The following ERBB4 variants were observed in gnomAD, a reference collection of about 807,000 sequenced individuals.
ERBB4 encodes the protein receptor tyrosine-protein kinase erbB-4.
ERBB4 carries 42 observed loss-of-function variants against 158.0 expected under a neutral mutation model. That is an observed-to-expected ratio of 0.27 (90% confidence interval 0.21 to 0.34). ERBB4 has a LOEUF of 0.34. ERBB4 is among the 10% of genes least tolerant of loss of function. The pLI is 1.00. For missense variants in ERBB4, 1,333 were observed against 1,624.1 expected (o/e 0.82, Z 3.08); for synonymous variants, 583 against 558.7 (o/e 1.04, Z -0.61).
chr2:212,216,058 C>A (rs558755415), intron 1 of ERBB4, among the ~76,000 whole-genome samples: 1 of 151,238 alleles, frequency 6.6e-6, no homozygotes, highest in African/African-American at 2.4e-5. Context: ...AAAAGATTTG[C>A]GCCGGTGTTA....
At chr2:212,413,014 C>T (rs2091543749) in intron 1 of ERBB4, among the ~76,000 whole-genome samples, 1 of 151,818 alleles carries the variant, frequency 6.6e-6, no homozygotes, top group African/African-American at 2.4e-5. Context: ...GTCACCCAGA[C>T]TGGAGTGCAG....
intron 19 of ERBB4, among the ~76,000 whole-genome samples, chr2:211,605,012 G>A (rs775115747): frequency 1.3e-5 from 2 of 152,152 alleles, no homozygotes; most frequent in Non-Finnish European, 2.9e-5. Flanking sequence ...CACTAATTAT[G>A]TAAGTCTTTC....
chr2:212,056,701 T>C (rs558215402), intron 2 of ERBB4, among the ~76,000 whole-genome samples: 1 of 152,210 alleles, frequency 6.6e-6, no homozygotes, highest in South Asian at 2.1e-4. Context: ...GAAGGAGAAA[T>C]AAAGACCTTT....
chr2:211,438,058 C>CTGGT (rs937316271), intron 20 of ERBB4, among the ~76,000 whole-genome samples: 6 of 152,152 alleles, frequency 3.9e-5, no homozygotes, highest in Non-Finnish European at 7.4e-5. Context: ...CCAGCAGAAG[C>CTGGT]TGGTTCATGG....
chr2:211,801,818 T>C (rs949594827), intron 3 of ERBB4, among the ~76,000 whole-genome samples: 1 of 152,184 alleles, frequency 6.6e-6, no homozygotes, highest in Non-Finnish European at 1.5e-5. Context: ...TACGCCTAAT[T>C]TATTTTTGTA....
rs1227632150 is a variant in ERBB4 at position 211,892,774 on chromosome 2, A to T, written c.421+54656T>A. 5.5e-5 allele frequency among the ~76,000 whole-genome samples: 8 copies of T among 144,346 alleles called. No individual in the cohort carries two copies. In the East Asian group the frequency reaches 1.6e-3, roughly 28 times the overall value. 94.7% of individuals were successfully genotyped at this position (144,346 alleles called of 152,430 possible). ...ATTCTTATACACCAACAACAGACAA[A>T]CAGAGAGCCAAATCATGAGTGAACT... On this transcript the variant is annotated intron_variant, in intron 3 of 27. Coordinates refer to ENST00000342788, the MANE Select transcript of ERBB4 (RefSeq NM_005235.3).
intron 4 of ERBB4, among the ~76,000 whole-genome samples, chr2:211,786,289 C>G (rs906760127): frequency 6.6e-6 from 1 of 152,002 alleles, no homozygotes; most frequent in Non-Finnish European, 1.5e-5. Flanking sequence ...AATAAATTGA[C>G]TAAAGATAAA....
At chr2:211,807,225 T>C (rs891611326) in intron 3 of ERBB4, among the ~76,000 whole-genome samples, 1 of 152,092 alleles carries the variant, frequency 6.6e-6, no homozygotes, top group African/African-American at 2.4e-5. Flanking sequence ...ACATGTACCA[T>C]GTTGGTTTGC....
intron 19 of ERBB4, among the ~76,000 whole-genome samples, chr2:211,618,831 A>C (rs2069488635): frequency 1.3e-5 from 2 of 152,148 alleles, no homozygotes; most frequent in African/African-American, 4.8e-5. Context: ...CGTTGAAATT[A>C]TGTATTGCTC....
intron 1 of ERBB4, among the ~76,000 whole-genome samples, chr2:212,507,030 T>C (rs1284554593): frequency 2.6e-5 from 4 of 152,172 alleles, no homozygotes; most frequent in African/African-American, 9.7e-5. Context: ...CAGACAGGAC[T>C]TGAAGTTGAG....
At chr2:211,390,938 A>C (rs1186901775) in intron 25 of ERBB4, among the ~76,000 whole-genome samples, 2 of 151,632 alleles carry the variant, frequency 1.3e-5, no homozygotes, top group African/African-American at 4.8e-5. Flanking sequence ...TTGCTTTTTT[A>C]TCTGTTTTCC....
intron 1 of ERBB4, among the ~76,000 whole-genome samples, chr2:212,267,369 TA>T (rs568681708): frequency 3.6e-4 from 55 of 151,716 alleles, no homozygotes; most frequent in Non-Finnish European, 6.3e-4. Context: ...GGCTCATAGA[TA>T]AAAAAAGATT....
chr2:212,028,001 T>A (rs2076814259), intron 2 of ERBB4, among the ~76,000 whole-genome samples: 1 of 152,134 alleles, frequency 6.6e-6, no homozygotes, highest in Non-Finnish European at 1.5e-5. Flanking sequence ...AATCTGTGAC[T>A]GCATGGAACT....
intron 2 of ERBB4, among the ~76,000 whole-genome samples, chr2:212,003,478 C>T (rs1035593449): frequency 2.0e-5 from 3 of 151,856 alleles, no homozygotes; most frequent in Admixed American, 2.0e-4. Flanking sequence ...TGTCTGGAGC[C>T]AGGGAACCTA....
chr2:211,650,179 T>C (rs1030459729), intron 16 of ERBB4, among the ~76,000 whole-genome samples: 3 of 152,060 alleles, frequency 2.0e-5, no homozygotes, highest in African/African-American at 7.2e-5. Context: ...CTAAATTACA[T>C]GGTGAAATAA....
chr2:212,315,156 C>G (rs1247244088), intron 1 of ERBB4, among the ~76,000 whole-genome samples: 1 of 151,238 alleles, frequency 6.6e-6, no homozygotes, highest in Non-Finnish European at 1.5e-5. Flanking sequence ...ATATTTGATT[C>G]TACTTTACTG....
chr2:212,411,890 G>C lies in ERBB4; in HGVS notation c.82+126559C>G, dbSNP rs544421465. ...TTAGACCCTCCAGACCATCCTCTTA[G>C]ACAGGACCCAAGATAACACCATGCC... is the stretch of plus-strand genomic sequence containing the variant. On this transcript the variant is annotated intron_variant, in intron 1 of 27. Transcript: ENST00000342788. Among the ~76,000 whole-genome samples the C allele has an allele frequency of 2.6e-5, 4 of 152,120 alleles. No individual in the cohort carries two copies. The South Asian group carries it at 6.2e-4, about 24-fold the overall frequency.
chr2:212,516,915 T>C (rs7606241), intron 1 of ERBB4, among the ~76,000 whole-genome samples: 3,176 of 152,194 alleles, frequency 0.021, 106 homozygotes, highest in African/African-American at 0.072. Context: ...TGAATGTCTA[T>C]GCAGAATGAA....
intron 1 of ERBB4, among the ~76,000 whole-genome samples, chr2:212,257,350 T>C (rs2084776860): frequency 6.6e-6 from 1 of 152,136 alleles, no homozygotes; most frequent in Admixed American, 6.6e-5. Context: ...CTGAAGTAAT[T>C]AGGGTTCACT....
Sources: allele counts gnomAD v4.1 joint callset (sites outside exome capture counted in the v4.1 genomes callset), GRCh38; gene constraint gnomAD v4.1.1; transcripts MANE v1.5; gene names NCBI Gene and HGNC (gene_info 2026-07-23, HGNC 2026-07-21).